The following BAZ1A variants were observed in gnomAD, a reference collection of about 807,000 sequenced individuals.
BAZ1A encodes bromodomain adjacent to zinc finger domain protein 1A.
BAZ1A carries 50 observed loss-of-function variants against 185.2 expected under a neutral mutation model. That is an observed-to-expected ratio of 0.27 (90% CI 0.22 to 0.34). The LOEUF is 0.34. Ranked by LOEUF, BAZ1A falls within the 10% of genes least tolerant of loss-of-function variation. The pLI is 1.00. For missense variants in BAZ1A, 1,356 were observed against 1,839.9 expected, an observed-to-expected ratio of 0.74 and a Z score of 4.81; for synonymous variants, 571 against 615.6, an observed-to-expected ratio of 0.93 and a Z score of 1.07.
At chr14:34,864,202 G>A (rs1668256998) in intron 2 of BAZ1A, among the ~76,000 whole-genome samples, 2 of 151,958 alleles carry the variant, frequency 1.3e-5, no homozygotes, top group South Asian at 2.1e-4. Flanking sequence ...GGAGTGCAGT[G>A]GTACGATCTT....
chr14:34,844,025 G>GAA (rs1202557128), intron 3 of BAZ1A, among the ~76,000 whole-genome samples: 2 of 97,240 alleles, frequency 2.1e-5, no homozygotes, highest in Admixed American at 1.2e-4. Flanking sequence ...CTAACACGGT[G>GAA]AAACCCCGTC....
At chr14:34,868,926 G>A (rs200195639) in intron 2 of BAZ1A, among the ~76,000 whole-genome samples, 1 of 144,150 alleles carries the variant, frequency 6.9e-6, no homozygotes, top group East Asian at 2.1e-4. Flanking sequence ...GTGTGTGTGT[G>A]TATAATACAT....
At chr14:34,755,385 CT>C (rs1184376819) in intron 25 of BAZ1A, among the ~76,000 whole-genome samples, 2 of 152,186 alleles carry the variant, frequency 1.3e-5, no homozygotes, top group Non-Finnish European at 2.9e-5. Context: ...TTACCTCACA[CT>C]GGTGAGTGAG....
chr14:34,791,590 GA>G (rs777411009), intron 12 of BAZ1A, among the ~76,000 whole-genome samples: 2 of 152,200 alleles, frequency 1.3e-5, no homozygotes, highest in Non-Finnish European at 2.9e-5. Flanking sequence ...GACCAGGCAT[GA>G]AGGAAGATGA....
chr14:34,822,167 C>T lies in BAZ1A; in HGVS notation c.536+3846G>A, dbSNP rs570024101. ...AACATTAGCTGGGTGTGGTGGCATGCACCTGTAATCCCAGCTACTTGGGAG... is the reference window on the plus strand; with the variant it reads ...AACATTAGCTGGGTGTGGTGGCATGTACCTGTAATCCCAGCTACTTGGGAG... On this transcript the variant is annotated intron_variant, in intron 4 of 26. Transcript: ENST00000360310. 6.7e-4 allele frequency among the ~76,000 whole-genome samples: 102 copies of T among 151,834 alleles called. 1 individual carries two copies. Among genetic ancestry groups the T allele is most frequent in the African/African-American group, 2.2e-3 (93 of 41,420 alleles).
chr14:34,759,184 T>TTTTTTTTTTTTTTTTTTTTG (rs1886410722), intron 24 of BAZ1A, among the ~76,000 whole-genome samples: 1 of 108,028 alleles, frequency 9.3e-6, no homozygotes, highest in East Asian at 2.8e-4. Flanking sequence ...TTTTTTTTTT[T>TTTTTTTTTTTTTTTTTTTTG]TTTTTTTTTT....
chr14:34,867,106 ATAAT>A (rs1288986785), intron 2 of BAZ1A, among the ~76,000 whole-genome samples: 1 of 151,982 alleles, frequency 6.6e-6, no homozygotes, highest in Non-Finnish European at 1.5e-5. Context: ...AAAAATACAA[ATAAT>A]TAGCCAGGCG....
intron 3 of BAZ1A, among the ~76,000 whole-genome samples, chr14:34,844,768 C>T (rs1320432532): frequency 3.1e-5 from 1 of 32,688 alleles, no homozygotes; most frequent in Non-Finnish European, 1.1e-4. Context: ...AACACACACA[C>T]ACACACGCGC....
intron 21 of BAZ1A, among the ~76,000 whole-genome samples, chr14:34,767,022 A>C (rs1878892010): frequency 6.6e-6 from 1 of 152,222 alleles, no homozygotes; most frequent in African/African-American, 2.4e-5. Flanking sequence ...CAGAGGCAAA[A>C]ACACAGTGGA....
chr14:34,777,014 T>G (rs1879671374), intron 17 of BAZ1A, among the ~76,000 whole-genome samples: 2 of 152,188 alleles, frequency 1.3e-5, no homozygotes, highest in Non-Finnish European at 2.9e-5. Flanking sequence ...TATACTTAAA[T>G]CTAAAGGGGC....
At chr14:34,803,416 T>C (rs1264184360) in intron 6 of BAZ1A, among the ~76,000 whole-genome samples, 1 of 150,726 alleles carries the variant, frequency 6.6e-6, no homozygotes, top group Non-Finnish European at 1.5e-5. Context: ...ATAAAAACAT[T>C]AGAATTTTAT....
At chr14:34,857,430 A>G (rs1032499319) in intron 3 of BAZ1A, among the ~76,000 whole-genome samples, 6 of 152,172 alleles carry the variant, frequency 3.9e-5, no homozygotes, top group Non-Finnish European at 7.3e-5. Context: ...AAGTATAGGC[A>G]TGAGCTAAGG....
chr14:34,863,322 C>T (rs1041437608), intron 2 of BAZ1A, among the ~76,000 whole-genome samples: 1 of 151,818 alleles, frequency 6.6e-6, no homozygotes, highest in African/African-American at 2.4e-5. Flanking sequence ...TGCCACCACG[C>T]CCGGCTAATT....
At chr14:34,809,019 T>C (rs548100497) in intron 5 of BAZ1A, among the ~76,000 whole-genome samples, 3 of 152,304 alleles carry the variant, frequency 2.0e-5, no homozygotes, top group African/African-American at 7.2e-5. Context: ...TGTGCAGACT[T>C]TTTTTGTTGT....
At chr14:34,829,947 T>C (rs1269888963) in intron 3 of BAZ1A, among the ~76,000 whole-genome samples, 1 of 152,212 alleles carries the variant, frequency 6.6e-6, no homozygotes, top group Admixed American at 6.5e-5. Context: ...TAACTGATTG[T>C]CTGACTCTCA....
At chr14:34,816,857 C>T (rs1000230576) in intron 4 of BAZ1A, 1 of 447,784 alleles carries the variant, frequency 2.2e-6, no homozygotes, top group Non-Finnish European at 4.5e-6. Flanking sequence ...CAGGGGAAAC[C>T]TGTATCAAGT....
At chr14:34,850,819 T>C (rs1005638192) in intron 3 of BAZ1A, among the ~76,000 whole-genome samples, 5 of 152,112 alleles carry the variant, frequency 3.3e-5, no homozygotes, top group African/African-American at 1.2e-4. Flanking sequence ...GGTTGCAAAA[T>C]GTAGACTTTC....
At chr14:34,790,551 A>G (rs1880777881) in intron 12 of BAZ1A, among the ~76,000 whole-genome samples, 1 of 151,656 alleles carries the variant, frequency 6.6e-6, no homozygotes, top group African/African-American at 2.4e-5. Flanking sequence ...ATGGGGTTTC[A>G]CCATGTTGGT....
At chr14:34,822,441 T>C (rs535905394) in intron 4 of BAZ1A, among the ~76,000 whole-genome samples, 15 of 152,144 alleles carry the variant, frequency 9.9e-5, no homozygotes, top group Admixed American at 8.5e-4. Flanking sequence ...CTGAGCAACA[T>C]GATGAAACTC....
Sources: allele counts gnomAD v4.1 joint callset (sites outside exome capture counted in the v4.1 genomes callset), GRCh38; gene constraint gnomAD v4.1.1; transcripts MANE v1.5; gene names NCBI Gene and HGNC (gene_info 2026-07-23, HGNC 2026-07-21).